Variants in CAPN15 observed in about 807,000 individuals in gnomAD.
CAPN15 encodes the protein calpain 15, also known as calpain-15.
Under a neutral mutation model 97.9 loss-of-function variants are expected in CAPN15, and 53 were observed. That is an observed-to-expected ratio of 0.54 (90% CI 0.43 to 0.68). CAPN15 has a LOEUF of 0.68. CAPN15 is among the 30% of genes least tolerant of loss of function. The pLI, the probability that CAPN15 is intolerant of heterozygous loss-of-function variation, is 0.00. For synonymous variants in CAPN15, 922 were observed against 722.5 expected, an observed-to-expected ratio of 1.28 and a Z score of -4.43; for missense variants, 1,592 against 1,589.8, an observed-to-expected ratio of 1.00 and a Z score of -0.02.
intron 9 of CAPN15, 98 bp from the exon 10 acceptor site, chr16:551,953 C>T (rs929537833): frequency 2.1e-5 from 28 of 1,318,440 alleles, no homozygotes; most frequent in African/African-American, 1.0e-4. Flanking sequence ...GAGCAGCTGG[C>T]ACCTGCTGGG....
rs771135104 is a variant in CAPN15, at chr16:547,653, G to A, written c.815G>A (p.Arg272Lys). The A allele has an allele frequency of 2.5e-6, 4 of 1,573,344 alleles. No homozygotes were observed. In the South Asian group the frequency reaches 3.4e-5, roughly 13 times the overall value. The change falls in exon 4 of 14, where the codon AGG (arginine) becomes AAG (lysine). Residue 272 changes from arginine to lysine, a missense_variant. Around this residue, in one of 3 missense-constraint regions of CAPN15, gnomAD observed 883 missense variants for 776.6 expected, o/e 1.14. Transcript: ENST00000219611. ...AAQPSPSAGC[R>K]GAPQGSGWAG... Reference sequence around the variant, plus strand: ...CAGCCGTCACCCTCTGCCGGCTGCAGGGGAGCCCCCCAGGGCTCGGGCTGG... The same window carrying A: ...CAGCCGTCACCCTCTGCCGGCTGCAAGGGAGCCCCCCAGGGCTCGGGCTGG...
In CAPN15 at chr16:547,716, A is replaced by G. The variant is rs2034693897; in HGVS notation, c.878A>G (p.Lys293Arg). The change falls in exon 4 of 14, where the codon AAG (lysine) becomes AGG (arginine). Residue 293 changes from lysine to arginine, a missense_variant. Lys to Arg is a conservative substitution (Grantham distance 26, BLOSUM62 2). Coordinates refer to ENST00000219611, the MANE Select transcript of CAPN15 (RefSeq NM_005632.3). The part of the protein sequence containing the change: ...ASRLAELLSG[K>R]RLSVLEEEAT... ...CGCCTAGCAGAGTTGCTGTCTGGCA[A>G]GCGGCTGAGTGTGCTGGAGGAAGAG... The G allele has an allele frequency of 1.2e-6, 2 of 1,600,810 alleles. No individual in the cohort carries two copies. The highest frequency in any genetic ancestry group is 1.7e-6 in the Non-Finnish European group (2 of 1,172,192).
Position 554,310 on chromosome 16 carries a change from A to C in CAPN15, c.*794A>C, listed in dbSNP as rs921569307. ...TCAGCCGCTCCCACCTCCCCACAGA[A>C]GCCCAGGAGTGTGTGGACGTCTGAG... is the stretch of plus-strand genomic sequence containing the variant. On this transcript the variant is annotated 3_prime_UTR_variant, in exon 14 of 14. Transcript: ENST00000219611. The C allele has an allele frequency of 2.9e-5, 10 of 349,314 alleles. No homozygotes were observed. The highest frequency in any genetic ancestry group is 5.6e-5 in the Non-Finnish European group (10 of 177,168). The allele number at this position is 349,314 out of a possible 1,614,324, so 21.6% of individuals were successfully genotyped here.
intron 3 of CAPN15, chr16:538,634 T>C (rs956178225): frequency 2.0e-5 from 3 of 152,002 alleles, no homozygotes; most frequent in Non-Finnish European, 2.9e-5. Flanking sequence ...GAATTCTCTG[T>C]CTCACCCCCT....
chr16:533,856 C>A, intron 1 of CAPN15, 90 bp from the exon 2 acceptor site: 1 of 587,146 alleles, frequency 1.7e-6, no homozygotes, highest in Non-Finnish European at 2.1e-6. Context: ...CTGGCTCCTG[C>A]AGAGAGGGCT....
In CAPN15 at chr16:541,033, C is replaced by T. The variant is rs144548964; in HGVS notation, c.-23+4891C>T. Among the ~76,000 whole-genome samples, 6 of 152,356 alleles carry T rather than the reference C, an allele frequency of 3.9e-5. No individual in the cohort carries two copies. In the East Asian group the frequency reaches 7.7e-4, roughly 20 times the overall value. ...GCAGTGGCCGCCGTTGCTCTCACAGCGGGTCCAGGCCTGGCTTCTGAAGGC... is the reference window on the plus strand; with the variant it reads ...GCAGTGGCCGCCGTTGCTCTCACAGTGGGTCCAGGCCTGGCTTCTGAAGGC... On this transcript the variant is annotated intron_variant, in intron 3 of 13. Coordinates refer to ENST00000219611, the MANE Select transcript of CAPN15 (RefSeq NM_005632.3).
chr16:552,874 C>T lies in CAPN15; in HGVS notation c.2916C>T (p.Gly972=), dbSNP rs1285221411. ...SRGERHEGRE[G]MTCYYLTHGW... ...ATTCCTGTGCCCAGGGCCGTGAGGG[C>T]ATGACCTGCTACTACCTGACACACG... The change falls in exon 13 of 14, where the codon GGC becomes GGT. Residue 972 remains glycine, a synonymous_variant. Coordinates refer to ENST00000219611, the MANE Select transcript of CAPN15 (RefSeq NM_005632.3). This position sits in a 1 kb window ranked among gnomAD's most constrained non-coding sequence, Gnocchi z 6.4. 13 of 1,534,346 alleles carry T rather than the reference C, an allele frequency of 8.5e-6. No homozygotes were observed. The highest frequency in any genetic ancestry group is 9.7e-6 in the Non-Finnish European group (11 of 1,132,428).
Position 537,161 on chromosome 16 carries a change from C to T in CAPN15, c.-23+1019C>T, listed in dbSNP as rs528301882. 6.3e-4 allele frequency: 620 copies of T among 985,378 alleles called. 1 individual carries two copies. Among genetic ancestry groups the T allele is most frequent in the Non-Finnish European group, 7.3e-4 (605 of 829,954 alleles). 61.0% of individuals were successfully genotyped at this position (985,378 alleles called of 1,614,324 possible). On this transcript the variant is annotated intron_variant, in intron 3 of 13. Coordinates refer to ENST00000219611, the MANE Select transcript of CAPN15 (RefSeq NM_005632.3). ...TCCTCTCTTCTCTTCCGAGCACCCACGGGAGGGGACTGTGCTGTCCCTGCT... is the reference window on the plus strand; with the variant it reads ...TCCTCTCTTCTCTTCCGAGCACCCATGGGAGGGGACTGTGCTGTCCCTGCT...
chr16:533,052 CT>C (rs950232175), intron 1 of CAPN15, among the ~76,000 whole-genome samples: 1 of 151,810 alleles, frequency 6.6e-6, no homozygotes, highest in Non-Finnish European at 1.5e-5. Context: ...GAAACCTCGT[CT>C]TTACTAAAAA....
At chr16:540,406 C>T in intron 3 of CAPN15, 1 of 968,174 alleles carries the variant, frequency 1.0e-6, no homozygotes, top group Non-Finnish European at 1.2e-6. Context: ...CGGAGGGCTC[C>T]CGGGGGCAGA....
At chr16:542,819 C>T (rs1024404852) in intron 3 of CAPN15, among the ~76,000 whole-genome samples, 18 of 152,194 alleles carry the variant, frequency 1.2e-4, no homozygotes, top group East Asian at 3.9e-4. Context: ...TTTGGGAGGC[C>T]GAGGCGGGTA....
chr16:539,925 T>G (rs1452305983), intron 3 of CAPN15: 2 of 232,046 alleles, frequency 8.6e-6, no homozygotes, highest in Admixed American at 6.5e-5. Flanking sequence ...AGGAGCCCTG[T>G]GGGTGCCGAA....
Position 553,553 on chromosome 16 carries a change from C to A in CAPN15, c.*37C>A. The stretch of plus-strand genomic sequence containing the variant: ...GGGGCAGGGGCTGTGCACAGACGGA[C>A]CCCCCACCCCCACACGCACTTTATG... On this transcript the variant is annotated 3_prime_UTR_variant, in exon 14 of 14. Transcript: ENST00000219611. 3.0e-6 allele frequency: 4 copies of A among 1,334,982 alleles called. No individual in the cohort carries two copies. Among genetic ancestry groups the A allele is most frequent in the Non-Finnish European group, 4.2e-6 (4 of 957,634 alleles). 82.7% of individuals were successfully genotyped at this position (1,334,982 alleles called of 1,614,324 possible).
Position 554,537 on chromosome 16 carries a change from A to G in CAPN15, c.*1021A>G, listed in dbSNP as rs766509561. On this transcript the variant is annotated 3_prime_UTR_variant, in exon 14 of 14. Coordinates refer to ENST00000219611, the MANE Select transcript of CAPN15 (RefSeq NM_005632.3). ...GGCCAGCTCTTGTGACACAGAGACT[A>G]TTTTATCAATTGTCAGTCCCGTTCC... 12 of 456,212 alleles carry G rather than the reference A, an allele frequency of 2.6e-5. No individual in the cohort carries two copies. Among genetic ancestry groups the G allele is most frequent in the East Asian group, 1.4e-4 (2 of 14,396 alleles). 28.3% of individuals were successfully genotyped at this position (456,212 alleles called of 1,614,324 possible).
chr16:540,249 G>A lies in CAPN15; in HGVS notation c.-23+4107G>A, dbSNP rs138749506. 4,331 of 985,478 alleles carry A rather than the reference G, an allele frequency of 4.4e-3. 12 individuals carry two copies. The highest frequency in any genetic ancestry group is 8.9e-3 in the Middle Eastern group (17 of 1,916). The allele number at this position is 985,478 out of a possible 1,614,324, so 61.0% of individuals were successfully genotyped here. ...CCGAGTCGGACCACAGCTTCCCCGGGGGACCGCCCTACCCGGGTCCCCCGG... is the reference window on the plus strand; with the variant it reads ...CCGAGTCGGACCACAGCTTCCCCGGAGGACCGCCCTACCCGGGTCCCCCGG... On this transcript the variant is annotated intron_variant, in intron 3 of 13. Coordinates refer to ENST00000219611, the MANE Select transcript of CAPN15 (RefSeq NM_005632.3).
intron 3 of CAPN15, among the ~76,000 whole-genome samples, chr16:543,686 C>T (rs551809925): frequency 5.3e-5 from 8 of 152,268 alleles, no homozygotes; most frequent in East Asian, 1.9e-4. Context: ...GAGCGGTGGG[C>T]GAGCAGACTG....
Position 547,260 on chromosome 16 carries a change from C to A in CAPN15, c.422C>A (p.Ala141Glu), listed in dbSNP as rs200574929. 13 of 1,509,734 alleles carry A rather than the reference C, an allele frequency of 8.6e-6. No homozygotes were observed. Among genetic ancestry groups the A allele is most frequent in the Middle Eastern group, 2.2e-4 (1 of 4,474 alleles). 93.5% of individuals were successfully genotyped at this position (1,509,734 alleles called of 1,614,324 possible). Residue 141 changes from alanine to glutamate, a missense_variant, in exon 4 of 14, where the codon GCG (alanine) becomes GAG (glutamate). Coordinates refer to ENST00000219611, the MANE Select transcript of CAPN15 (RefSeq NM_005632.3). The stretch of plus-strand genomic sequence containing the variant: ...GAGCAGGAGGAGGAGGAGGGAGCGG[C>A]GGAGCCCAGAGGGGGCTGGGCGTGT... ...KEEQEEEEGA[A>E]EPRGGWACPR...
Position 547,959 on chromosome 16 carries a change from A to G in CAPN15, c.1121A>G (p.His374Arg), listed in dbSNP as rs1472984348. ...GCSKLHGFQEHGEPPTHCPDC... is the reference protein window; with the variant it reads ...GCSKLHGFQERGEPPTHCPDC... ...TCCAAACTGCACGGCTTCCAGGAGC[A>G]TGGCGAGCCCCCCACCCACTGCCCC... Residue 374 changes from histidine (H) to arginine (R), a missense_variant, in exon 4 of 14, where the codon CAT becomes CGT. His to Arg is a conservative substitution (Grantham distance 29). Coordinates refer to ENST00000219611, the MANE Select transcript of CAPN15 (RefSeq NM_005632.3). 2.5e-6 allele frequency: 4 copies of G among 1,589,920 alleles called. No individual in the cohort carries two copies. Among genetic ancestry groups the G allele is most frequent in the Non-Finnish European group, 3.4e-6 (4 of 1,169,650 alleles).
chr16:541,261 C>A (rs1730722768), intron 3 of CAPN15, among the ~76,000 whole-genome samples: 1 of 152,240 alleles, frequency 6.6e-6, no homozygotes, highest in African/African-American at 2.4e-5. Context: ...TGAGCTCCGG[C>A]CGACAAGGAC....
Sources: allele counts gnomAD v4.1 joint callset (sites outside exome capture counted in the v4.1 genomes callset), GRCh38; gene constraint gnomAD v4.1.1; regional missense constraint gnomAD v4.1.1; non-coding constraint Gnocchi (gnomAD v3.1); transcripts MANE v1.5; gene names NCBI Gene and HGNC (gene_info 2026-07-23, HGNC 2026-07-21).